The following FAM47A variants were observed in gnomAD, a reference collection of about 807,000 sequenced individuals.
FAM47A encodes protein FAM47A.
A neutral mutation model predicts 2.6 loss-of-function variants in FAM47A; 1 was observed. That is an observed-to-expected ratio of 0.39 (90% confidence interval 0.14 to 1.83). The LOEUF (loss-of-function observed/expected upper bound fraction) is 1.83. FAM47A is among the 40% of genes most tolerant of loss of function. The pLI is 0.32. For missense variants in FAM47A, 657 were observed against 673.1 expected (o/e 0.98, Z 0.26); for synonymous variants, 278 against 270.1 (o/e 1.03, Z -0.29).
At position 34,132,054 on chromosome X, in the gene FAM47A, C is replaced by T; in HGVS notation, c.225G>A (p.Glu75=). ...TGAGAGATATTTTGGGGAGTAAAAA[C>T]TCGTCACGGCGACAAACGAGAGTAT... ...PEDTLVCRRD[E]FLLPKISLRG... Residue 75 remains glutamate, a synonymous_variant, in exon 1 of 1, where the codon GAG becomes GAA. Coordinates refer to ENST00000346193, the MANE Select transcript of FAM47A (RefSeq NM_203408.4). 1 of 1,210,295 alleles carries T rather than the reference C, an allele frequency of 8.3e-7. No individual in the cohort carries two copies. Among genetic ancestry groups the T allele is most frequent in the Non-Finnish European group, 1.1e-6 (1 of 894,994 alleles).
In FAM47A at chrX:34,130,722, CGA is replaced by C; in HGVS notation, c.1555_1556del (p.Ser519GlyfsTer78). ...ACGTCCGACGAGTCTTGGGAGGCTC[CGA>C]GCGGAGACTGGACGTCCGACGAGTC... ...PKTRRTSSLR[S>X]EPPKTRRTSS... is the part of the protein sequence containing the mutation. On this transcript the variant is annotated frameshift_variant, in exon 1 of 1. Coordinates refer to ENST00000346193, the MANE Select transcript of FAM47A (RefSeq NM_203408.4). LOFTEE classifies it low-confidence loss of function (END_TRUNC). 3 of 1,050,533 alleles carry C rather than the reference CGA, an allele frequency of 2.9e-6. No homozygotes were observed. Among genetic ancestry groups the C allele is most frequent in the Non-Finnish European group, 1.3e-6 (1 of 785,532 alleles). The allele number at this position is 1,050,533 out of a possible 1,213,427, so 86.6% of individuals were successfully genotyped here.
Position 34,130,451 on chromosome X carries a change from C to T in FAM47A, c.1828G>A (p.Glu610Lys), listed in dbSNP as rs760657768. The part of the protein sequence containing the change: ...QYRYTSEKLR[E>K]FFKWAGDLGA... ...AGGTCTCCAGCCCACTTGAAGAATTCACGGAGTTTTTCCGATGTGTATCTA... is the reference window on the plus strand; with the variant it reads ...AGGTCTCCAGCCCACTTGAAGAATTTACGGAGTTTTTCCGATGTGTATCTA... The change falls in exon 1 of 1, where the codon GAA becomes AAA. Residue 610 changes from glutamate (E) to lysine (K), a missense_variant. Glu to Lys is a moderately conservative substitution (Grantham distance 56). Coordinates refer to ENST00000346193, the MANE Select transcript of FAM47A (RefSeq NM_203408.4). The T allele has an allele frequency of 8.3e-7, 1 of 1,211,240 alleles. No individual in the cohort carries two copies. Among genetic ancestry groups the T allele is most frequent in the South Asian group, 1.8e-5 (1 of 56,782 alleles).
rs5971820 is a variant in FAM47A, at chrX:34,130,688, C to A, written c.1591G>T (p.Gly531Cys). The change falls in exon 1 of 1, where the codon GGT (glycine) becomes TGT (cysteine). Residue 531 changes from glycine (G) to cysteine (C), a missense_variant. Coordinates refer to ENST00000346193, the MANE Select transcript of FAM47A (RefSeq NM_203408.4). ...CGACGAGTCTTGGGAGGCTCCGGAC[C>A]GAGACTGGACGTCCGACGAGTCTTG... ...PPKTRRTSSLGPEPPKTRRVS... is the reference protein window; with the variant it reads ...PPKTRRTSSLCPEPPKTRRVS... The A allele has an allele frequency of 1.7e-6, 2 of 1,177,339 alleles. No individual in the cohort carries two copies.
In FAM47A at chrX:34,130,381, G is replaced by A. The variant is rs367549615; in HGVS notation, c.1898C>T (p.Pro633Leu). Reference sequence around the variant, plus strand: ...GTCCTCATGGGTTGCTCTGTACTTGGGGGTAAAGTCAAACAGATTCCTGAT... The same window carrying A: ...GTCCTCATGGGTTGCTCTGTACTTGAGGGTAAAGTCAAACAGATTCCTGAT... ...ESIRNLFDFT[P>L]KYRATHEDQK... Residue 633 changes from proline to leucine, a missense_variant, in exon 1 of 1, where the codon CCC becomes CTC. Pro to Leu is a moderately conservative substitution (Grantham distance 98). This residue lies in a region of FAM47A where 198 missense variants were observed against 203.4 expected (regional missense o/e 0.97). Coordinates refer to ENST00000346193, the MANE Select transcript of FAM47A (RefSeq NM_203408.4). 15 of 1,209,892 alleles carry A rather than the reference G, an allele frequency of 1.2e-5. No individual in the cohort carries two copies. The highest frequency in any genetic ancestry group is 1.7e-5 in the Non-Finnish European group (15 of 895,260).
chrX:34,131,045 G>A lies in FAM47A; in HGVS notation c.1234C>T (p.Arg412Cys), dbSNP rs756452001. Residue 412 changes from arginine (R) to cysteine (C), a missense_variant, in exon 1 of 1, where the codon CGC becomes TGC. This residue lies in a region of FAM47A where 436 missense variants were observed against 414.1 expected (regional missense o/e 1.05). Coordinates refer to ENST00000346193, the MANE Select transcript of FAM47A (RefSeq NM_203408.4). ...TGACTAGTGTCGGGAGGTTCCAGGC[G>A]GAGATGGCACACTCCAGTCTTGGGA... ...VPPKTGVCHLRLEPPDTSQVS... is the reference protein window; with the variant it reads ...VPPKTGVCHLCLEPPDTSQVS... 1.3e-5 allele frequency: 15 copies of A among 1,189,469 alleles called. No homozygotes were observed. In the Admixed American group the frequency reaches 1.8e-4, roughly 14 times the overall value.
Position 34,130,388 on chromosome X carries a change from A to C in FAM47A, c.1891T>G (p.Phe631Val). 2 of 1,211,537 alleles carry C rather than the reference A, an allele frequency of 1.7e-6. No individual in the cohort carries two copies. Among genetic ancestry groups the C allele is most frequent in the South Asian group, 3.5e-5 (2 of 56,942 alleles). The change falls in exon 1 of 1, where the codon TTT becomes GTT. Residue 631 changes from phenylalanine (F) to valine (V), a missense_variant. Coordinates refer to ENST00000346193, the MANE Select transcript of FAM47A (RefSeq NM_203408.4). ...TGGGTTGCTCTGTACTTGGGGGTAAAGTCAAACAGATTCCTGATGGATTCT... is the reference window on the plus strand; with the variant it reads ...TGGGTTGCTCTGTACTTGGGGGTAACGTCAAACAGATTCCTGATGGATTCT... ...DEESIRNLFD[F>V]TPKYRATHED...
chrX:34,129,882 G>A lies in FAM47A; in HGVS notation c.*21C>T. ...AAATGAGAGCAAGAAATACCCAATT[G>A]AGTAGTAAATTGAAAACTGCCTAAT... On this transcript the variant is annotated 3_prime_UTR_variant, in exon 1 of 1. Coordinates refer to ENST00000346193, the MANE Select transcript of FAM47A (RefSeq NM_203408.4). 2 of 1,138,232 alleles carry A rather than the reference G, an allele frequency of 1.8e-6. No individual in the cohort carries two copies. Among genetic ancestry groups the A allele is most frequent in the Non-Finnish European group, 2.3e-6 (2 of 852,613 alleles). 93.8% of individuals were successfully genotyped at this position (1,138,232 alleles called of 1,213,427 possible).
At position 34,129,958 on chromosome X, in the gene FAM47A, C is replaced by A; in HGVS notation, c.2321G>T (p.Arg774Leu). ...TYDSVKTPIQ[R>L]AMIFYKYKEI... ...TTTGTACTTGTAAAATATCATTGCA[C>A]GTTGAATAGGAGTCTTAACAGAGTC... Residue 774 changes from arginine (R) to leucine (L), a missense_variant, in exon 1 of 1, where the codon CGT (arginine) becomes CTT (leucine). Coordinates refer to ENST00000346193, the MANE Select transcript of FAM47A (RefSeq NM_203408.4). 8.3e-7 allele frequency: 1 copy of A among 1,206,025 alleles called. No homozygotes were observed. Among genetic ancestry groups the A allele is most frequent in the Non-Finnish European group, 1.1e-6 (1 of 893,389 alleles).
In FAM47A at chrX:34,131,496, T is replaced by C. The variant is rs760065925; in HGVS notation, c.783A>G (p.Leu261=). The change falls in exon 1 of 1, where the codon CTA becomes CTG. Residue 261 remains leucine, a synonymous_variant. Transcript: ENST00000346193. ...CAGAATCCAGTTTCAGCAGCTGTCG[T>C]AGGAGACTGGATCTCCGACGAGTGA... ...PPITRRRSSL[L]RQLLKLDSER... The C allele has an allele frequency of 8.3e-7, 1 of 1,201,221 alleles. No individual in the cohort carries two copies. Among genetic ancestry groups the C allele is most frequent in the Non-Finnish European group, 1.1e-6 (1 of 892,254 alleles).
In FAM47A at chrX:34,130,557, C is replaced by A. The variant is rs757355904; in HGVS notation, c.1722G>T (p.Lys574Asn). 1 of 1,211,734 alleles carries A rather than the reference C, an allele frequency of 8.3e-7. No homozygotes were observed. The highest frequency in any genetic ancestry group is 1.7e-5 in the African/African-American group (1 of 57,792). Reference protein sequence around the residue: ...PESHQFSEPPKIRASYIKELL... With the variant: ...PESHQFSEPPNIRASYIKELL... ...GTTCTTTTATGTAGGATGCTCGAAT[C>A]TTGGGAGGCTCCGAGAATTGATGGG... The change falls in exon 1 of 1, where the codon AAG becomes AAT. Residue 574 changes from lysine to asparagine, a missense_variant. By Grantham distance (94) the Lys-to-Asn change is moderately conservative. Around this residue, in one of 3 missense-constraint regions of FAM47A, gnomAD observed 198 missense variants for 203.4 expected, o/e 0.97. Coordinates refer to ENST00000346193, the MANE Select transcript of FAM47A (RefSeq NM_203408.4).
chrX:34,132,051 A>G lies in FAM47A; in HGVS notation c.228T>C (p.Phe76=). Residue 76 remains phenylalanine (F), a synonymous_variant, in exon 1 of 1, where the codon TTT becomes TTC. Coordinates refer to ENST00000346193, the MANE Select transcript of FAM47A (RefSeq NM_203408.4). ...CTCTGAGAGATATTTTGGGGAGTAA[A>G]AACTCGTCACGGCGACAAACGAGAG... ...EDTLVCRRDE[F]LLPKISLRGP... is the part of the protein sequence containing the mutation. 1 of 1,210,043 alleles carries G rather than the reference A, an allele frequency of 8.3e-7. No individual in the cohort carries two copies. Among genetic ancestry groups the G allele is most frequent in the Non-Finnish European group, 1.1e-6 (1 of 894,916 alleles).
chrX:34,131,864 C>T lies in FAM47A; in HGVS notation c.415G>A (p.Glu139Lys). The T allele has an allele frequency of 1.7e-6, 2 of 1,210,008 alleles. No individual in the cohort carries two copies. The highest frequency in any genetic ancestry group is 2.3e-4 in the Middle Eastern group (1 of 4,324). ...HPLAMYPNLG[E>K]DMPPDLLLQV... ...AGTAGGAGATCTGGAGGCATATCTT[C>T]TCCCAGATTGGGGTACATGGCCAAG... Residue 139 changes from glutamate (E) to lysine (K), a missense_variant, in exon 1 of 1, where the codon GAA becomes AAA. Glu to Lys is a moderately conservative substitution (Grantham distance 56). Around this residue, in one of 3 missense-constraint regions of FAM47A, gnomAD observed 436 missense variants for 414.1 expected, o/e 1.05. Coordinates refer to ENST00000346193, the MANE Select transcript of FAM47A (RefSeq NM_203408.4).
rs1003764206 is a variant in FAM47A, at chrX:34,131,796, G to A, written c.483C>T (p.Asp161=). 1 of 1,211,085 alleles carries A rather than the reference G, an allele frequency of 8.3e-7. No homozygotes were observed. The highest frequency in any genetic ancestry group is 1.1e-6 in the Non-Finnish European group (1 of 895,254). Residue 161 remains aspartate (D), a synonymous_variant, in exon 1 of 1, where the codon GAC becomes GAT. Coordinates refer to ENST00000346193, the MANE Select transcript of FAM47A (RefSeq NM_203408.4). The stretch of plus-strand genomic sequence containing the variant: ...CCTGGGTCTCACAACAAGCCCAAGC[G>A]TCCTCCAGCTCCCTCTCAGGATCCA... ...KHLDPERELE[D]AWACCETQEK...
chrX:34,131,713 A>T lies in FAM47A; in HGVS notation c.566T>A (p.Leu189Gln), dbSNP rs775738598. Residue 189 changes from leucine to glutamine, a missense_variant, in exon 1 of 1, where the codon CTG (leucine) becomes CAG (glutamine). By Grantham distance (113) the Leu-to-Gln change is moderately radical (BLOSUM62 -2). Around this residue, in one of 3 missense-constraint regions of FAM47A, gnomAD observed 436 missense variants for 414.1 expected, o/e 1.05. Transcript: ENST00000346193. ...GGACACCGGAGTCTCGGGAGGCTTC[A>T]GGCAGAATTCCCCACAGGGATGTTT... ...PGKHPCGEFC[L>Q]KPPETPVSHL... 6 of 1,207,870 alleles carry T rather than the reference A, an allele frequency of 5.0e-6. No homozygotes were observed. The highest frequency in any genetic ancestry group is 6.7e-6 in the Non-Finnish European group (6 of 893,910).
rs755310036 is a variant in FAM47A, at chrX:34,132,027, T to C, written c.252A>G (p.Arg84=). The C allele has an allele frequency of 6.6e-6, 8 of 1,209,022 alleles. No homozygotes were observed. The East Asian group carries it at 2.4e-4, about 36-fold the overall frequency. Residue 84 remains arginine, a synonymous_variant, in exon 1 of 1, where the codon AGA becomes AGG. Transcript: ENST00000346193. ...CGCTTTTGGGGTCAGCTTGGGGACC[T>C]CTGAGAGATATTTTGGGGAGTAAAA... ...DEFLLPKISL[R]GPQADPKSGQ...
chrX:34,130,687 C>G lies in FAM47A; in HGVS notation c.1592G>C (p.Gly531Ala), dbSNP rs768961985. 9.2e-6 allele frequency: 11 copies of G among 1,197,867 alleles called. No individual in the cohort carries two copies. Among genetic ancestry groups the G allele is most frequent in the African/African-American group, 7.3e-5 (4 of 54,826 alleles). The change falls in exon 1 of 1, where the codon GGT becomes GCT. Residue 531 changes from glycine (G) to alanine (A), a missense_variant. Physicochemically the swap from Gly to Ala is moderately conservative, Grantham distance 60. Transcript: ENST00000346193. ...TCGACGAGTCTTGGGAGGCTCCGGA[C>G]CGAGACTGGACGTCCGACGAGTCTT... ...PPKTRRTSSL[G>A]PEPPKTRRVS...
Position 34,130,454 on chromosome X carries a change from G to A in FAM47A, c.1825C>T (p.Arg609Cys). Residue 609 changes from arginine (R) to cysteine (C), a missense_variant, in exon 1 of 1, where the codon CGT becomes TGT. This residue lies in a region of FAM47A where 198 missense variants were observed against 203.4 expected (regional missense o/e 0.97). Coordinates refer to ENST00000346193, the MANE Select transcript of FAM47A (RefSeq NM_203408.4). Reference sequence around the variant, plus strand: ...TCTCCAGCCCACTTGAAGAATTCACGGAGTTTTTCCGATGTGTATCTATAT... The same window carrying A: ...TCTCCAGCCCACTTGAAGAATTCACAGAGTTTTTCCGATGTGTATCTATAT... ...LQYRYTSEKL[R>C]EFFKWAGDLG... is the part of the protein sequence containing the mutation. 1 of 1,211,174 alleles carries A rather than the reference G, an allele frequency of 8.3e-7. No homozygotes were observed. The highest frequency in any genetic ancestry group is 1.1e-6 in the Non-Finnish European group (1 of 895,356).
chrX:34,132,199 G>A lies in FAM47A; in HGVS notation c.80C>T (p.Ser27Phe). ...GTGCTTGCACTTCGCGAAGCACTTG[G>A]AAGGCCGTTTGTTACAGTACCAGGG... ...SKPWYCNKRP[S>F]KCFAKCKHRR... Residue 27 changes from serine (S) to phenylalanine (F), a missense_variant, in exon 1 of 1, where the codon TCC (serine) becomes TTC (phenylalanine). By Grantham distance (155) the Ser-to-Phe change is radical. This residue lies in a region of FAM47A where 436 missense variants were observed against 414.1 expected (regional missense o/e 1.05). Transcript: ENST00000346193. 1.7e-6 allele frequency: 2 copies of A among 1,209,744 alleles called. No homozygotes were observed. Among genetic ancestry groups the A allele is most frequent in the East Asian group, 3.0e-5 (1 of 33,806 alleles).
rs746029072 is a variant in FAM47A at position 34,132,124 on chromosome X, T to G, written c.155A>C (p.Lys52Thr). The G allele has an allele frequency of 2.2e-5, 27 of 1,209,145 alleles. No individual in the cohort carries two copies. Among genetic ancestry groups the G allele is most frequent in the Middle Eastern group, 4.6e-4 (2 of 4,372 alleles). The change falls in exon 1 of 1, where the codon AAG becomes ACG. Residue 52 changes from lysine to threonine, a missense_variant. This residue lies in a region of FAM47A where 436 missense variants were observed against 414.1 expected (regional missense o/e 1.05). Transcript: ENST00000346193. ...GTAGCGGAAGTCGTCCATGCCCTCCTTCACAAATACCCAGTTCTGGGTGTC... is the reference window on the plus strand; with the variant it reads ...GTAGCGGAAGTCGTCCATGCCCTCCGTCACAAATACCCAGTTCTGGGTGTC... ...PMDTQNWVFVKEGMDDFRYGC... is the reference protein window; with the variant it reads ...PMDTQNWVFVTEGMDDFRYGC...
Sources: gnomAD v4.1 joint callset for allele counts on GRCh38, gnomAD v4.1.1 for gene constraint, gnomAD v4.1.1 regional missense constraint, MANE v1.5 for transcripts, NCBI Gene and HGNC (gene_info 2026-07-23, HGNC 2026-07-21) for gene names.